The following ADGRB2 variants were observed in gnomAD, a reference collection of about 807,000 sequenced individuals.
ADGRB2 encodes adhesion G protein-coupled receptor B2, also known as brain-specific angiogenesis inhibitor 2.
A neutral mutation model predicts 178.7 loss-of-function variants in ADGRB2; 47 were observed. The ratio of observed to expected loss-of-function variants is 0.26; its 90% confidence interval spans 0.21 to 0.34. The LOEUF (loss-of-function observed/expected upper bound fraction) is 0.34, where lower values mean the gene tolerates loss of function less well. ADGRB2 is among the 10% of genes least tolerant of loss of function. ADGRB2 has a pLI of 1.00. For synonymous variants in ADGRB2, 870 were observed against 912.4 expected, an observed-to-expected ratio of 0.95 and a Z score of 0.84; for missense variants, 1,584 against 2,180.8, an observed-to-expected ratio of 0.73 and a Z score of 5.45.
chr1:31,734,914 A>G (rs1645490615), intron 25 of ADGRB2, among the ~76,000 whole-genome samples: 1 of 152,078 alleles, frequency 6.6e-6, no homozygotes. Flanking sequence ...GGGGCGGTGC[A>G]GGATAGAACA....
At position 31,733,650 on chromosome 1, in the gene ADGRB2, C is replaced by T. The variant is rs1427677442; in HGVS notation, c.3453-507G>A. Among the ~76,000 whole-genome samples, 1 of 152,118 alleles carries T rather than the reference C, an allele frequency of 6.6e-6. No homozygotes were observed. The highest frequency in any genetic ancestry group is 1.5e-5 in the Non-Finnish European group (1 of 68,028). ...GAGCACGCGGGGGACATCCAGAGCA[C>T]GAATCCTCAGGGAGAAGACAGGGGG... On this transcript the variant is annotated intron_variant, in intron 25 of 32. Coordinates refer to ENST00000373658, the MANE Select transcript of ADGRB2 (RefSeq NM_001364857.2). This position sits in a 1 kb window ranked among gnomAD's most constrained non-coding sequence, Gnocchi z 4.3.
chr1:31,750,671 G>A (rs1437951383), intron 4 of ADGRB2, among the ~76,000 whole-genome samples: 1 of 152,136 alleles, frequency 6.6e-6, no homozygotes, highest in Non-Finnish European at 1.5e-5. Context: ...CCCTGAGCAG[G>A]AGCCGACTGA....
At position 31,733,703 on chromosome 1, in the gene ADGRB2, C is replaced by T. The variant is rs552086375; in HGVS notation, c.3453-560G>A. Among the ~76,000 whole-genome samples, 1 of 152,124 alleles carries T rather than the reference C, an allele frequency of 6.6e-6. No homozygotes were observed. The highest frequency in any genetic ancestry group is 2.4e-5 in the African/African-American group (1 of 41,424). On this transcript the variant is annotated intron_variant, in intron 25 of 32. Transcript: ENST00000373658. The surrounding 1 kb of genome is among the most constrained non-coding windows in gnomAD (Gnocchi z 4.3). ...AGGACCAGTGAAGCAGAACTCCCCC[C>T]ACACACAGAGAAGACGCCAGGCTCC...
Position 31,741,812 on chromosome 1 carries a change from T to C in ADGRB2, c.1573A>G (p.Lys525Glu). 6.3e-7 allele frequency: 1 copy of C among 1,593,186 alleles called. No individual in the cohort carries two copies. The highest frequency in any genetic ancestry group is 8.6e-7 in the Non-Finnish European group (1 of 1,165,848). ...TGEEVKPCSEKRCPAFHEMCR... is the reference protein window; with the variant it reads ...TGEEVKPCSEERCPAFHEMCR... ...ATTAGGGCAGTACCTGGACACCTCT[T>C]CTCACTACAAGGCTTCACCTCCTCT... Residue 525 changes from lysine (K) to glutamate (E), a missense_variant, in exon 9 of 33, where the codon AAG becomes GAG. By Grantham distance (56) the Lys-to-Glu change is moderately conservative. Transcript: ENST00000373658. The surrounding 1 kb of genome is among the most constrained non-coding windows in gnomAD (Gnocchi z 6.5).
chr1:31,731,508 C>T, intron 28 of ADGRB2, 89 bp from the exon 29 acceptor site: 1 of 1,470,276 alleles, frequency 6.8e-7, no homozygotes. Flanking sequence ...TACCAAGCTT[C>T]TGCGCTTGGA....
In ADGRB2 at chr1:31,757,455, T is replaced by C; in HGVS notation, c.-134A>G. The C allele has an allele frequency of 1.7e-6, 1 of 586,534 alleles. No individual in the cohort carries two copies. Among genetic ancestry groups the C allele is most frequent in the Non-Finnish European group, 3.1e-6 (1 of 326,972 alleles). 36.3% of individuals were successfully genotyped at this position (586,534 alleles called of 1,614,324 possible). ...CAGGAACTGCGCACAACCTGAGCCA[T>C]GCCCACAGGAGGGCACTGTCAGTGT... is the stretch of plus-strand genomic sequence containing the variant. On this transcript the variant is annotated 5_prime_UTR_variant, in exon 2 of 33. An upstream start codon of the reference 5' UTR is lost. Transcript: ENST00000373658.
rs781388969 is a variant in ADGRB2, at chr1:31,731,261, C to T, written c.3919G>A (p.Ala1307Thr). The T allele has an allele frequency of 1.2e-6, 2 of 1,609,784 alleles. No homozygotes were observed. Among genetic ancestry groups the T allele is most frequent in the Non-Finnish European group, 1.7e-6 (2 of 1,178,680 alleles). The change falls in exon 29 of 33, where the codon GCA becomes ACA. Residue 1307 changes from alanine (A) to threonine (T), a missense_variant. By Grantham distance (58) the Ala-to-Thr change is moderately conservative. This residue lies in a region of ADGRB2 where 865 missense variants were observed against 1,192.8 expected (regional missense o/e 0.73). Coordinates refer to ENST00000373658, the MANE Select transcript of ADGRB2 (RefSeq NM_001364857.2). ...PLPGNILVPM[A>T]ASPGLGEPPP... ...GGCTCCCCCAGCCCTGGTGAGGCTG[C>T]CATGGGCACCAGGATATTCCCAGGC... is the stretch of plus-strand genomic sequence containing the variant.
chr1:31,727,138 C>T lies in ADGRB2; in HGVS notation c.*282G>A. ...AAAATCCACAGAGTGAAGTTTATTC[C>T]CAACAAAGTTCCCCTCCCCCCTCCC... is the stretch of plus-strand genomic sequence containing the variant. On this transcript the variant is annotated 3_prime_UTR_variant, in exon 33 of 33. Transcript: ENST00000373658. The surrounding 1 kb of genome is among the most constrained non-coding windows in gnomAD (Gnocchi z 4.4). 1 of 387,598 alleles carries T rather than the reference C, an allele frequency of 2.6e-6. No individual in the cohort carries two copies. Among genetic ancestry groups the T allele is most frequent in the Non-Finnish European group, 4.6e-6 (1 of 217,934 alleles). 24.0% of individuals were successfully genotyped at this position (387,598 alleles called of 1,614,324 possible). A position where few individuals can be genotyped will look rare whatever the true frequency, so the allele number is the denominator to read the frequency against.
chr1:31,732,869 C>T, intron 26 of ADGRB2, 103 bp downstream of exon 26: 2 of 1,423,040 alleles, frequency 1.4e-6, no homozygotes, highest in Non-Finnish European at 1.9e-6. Context: ...GGGCCTGGGG[C>T]ACCCTGGTCG....
chr1:31,748,089 C>T (rs1418275819), intron 4 of ADGRB2, among the ~76,000 whole-genome samples: 1 of 152,200 alleles, frequency 6.6e-6, no homozygotes, highest in Non-Finnish European at 1.5e-5. Flanking sequence ...ACCTGCTTGT[C>T]GGGGTCTCAC....
In ADGRB2 at chr1:31,740,086, G is replaced by A; in HGVS notation, c.2058+24C>T. On this transcript the variant is annotated intron_variant, in intron 13 of 32. Coordinates refer to ENST00000373658, the MANE Select transcript of ADGRB2 (RefSeq NM_001364857.2). This position sits in a 1 kb window ranked among gnomAD's most constrained non-coding sequence, Gnocchi z 5.9. Reference sequence around the variant, plus strand: ...CAAGGCAGGGTGGGTCACGGGAGGAGAAGCTGGCAGCTGTGCCCCGCACCT... The same window carrying A: ...CAAGGCAGGGTGGGTCACGGGAGGAAAAGCTGGCAGCTGTGCCCCGCACCT... 6.2e-7 allele frequency: 1 copy of A among 1,614,156 alleles called. No homozygotes were observed. Among genetic ancestry groups the A allele is most frequent in the Non-Finnish European group, 8.5e-7 (1 of 1,180,010 alleles).
At position 31,727,391 on chromosome 1, in the gene ADGRB2, T is replaced by C. The variant is rs1645040174; in HGVS notation, c.*29A>G. Reference sequence around the variant, plus strand: ...GTGAAAATAGAGAGATATATATATTTATATGCAGTGGGCAGTCCAGCGTGG... The same window carrying C: ...GTGAAAATAGAGAGATATATATATTCATATGCAGTGGGCAGTCCAGCGTGG... On this transcript the variant is annotated 3_prime_UTR_variant, in exon 33 of 33. Coordinates refer to ENST00000373658, the MANE Select transcript of ADGRB2 (RefSeq NM_001364857.2). The surrounding 1 kb of genome is among the most constrained non-coding windows in gnomAD (Gnocchi z 4.4). 4.5e-6 allele frequency: 7 copies of C among 1,566,176 alleles called. No individual in the cohort carries two copies. The highest frequency in any genetic ancestry group is 6.0e-6 in the Non-Finnish European group (7 of 1,164,320).
chr1:31,759,386 G>T lies in ADGRB2; in HGVS notation c.-190-1875C>A, dbSNP rs375083925. ...AGTGTCAGGCAGGATCCTCTGCGGG[G>T]TCTTCCTTTGCATGTCTGAAGCTGG... On this transcript the variant is annotated intron_variant, in intron 1 of 32. Coordinates refer to ENST00000373658, the MANE Select transcript of ADGRB2 (RefSeq NM_001364857.2). The surrounding 1 kb of genome is among the most constrained non-coding windows in gnomAD (Gnocchi z 4.3). 113 of 779,492 alleles carry T rather than the reference G, an allele frequency of 1.4e-4. No homozygotes were observed. The highest frequency in any genetic ancestry group is 2.2e-4 in the African/African-American group (13 of 59,114). The allele number at this position is 779,492 out of a possible 1,614,324, so 48.3% of individuals were successfully genotyped here.
Position 31,728,803 on chromosome 1 carries a change from AACACACACACACACACACACACAC to A in ADGRB2, c.4381-194_4381-171del, listed in dbSNP as rs71006321. ...TGGGGCAGCTTTTCAGGCCTCACTG[AACACACACACACACACACACACAC>A]ACACACACACACACACACACGTCAA... On this transcript the variant is annotated intron_variant, in intron 29 of 32. Coordinates refer to ENST00000373658, the MANE Select transcript of ADGRB2 (RefSeq NM_001364857.2). The surrounding 1 kb of genome is among the most constrained non-coding windows in gnomAD (Gnocchi z 6.7). Among the ~76,000 whole-genome samples the A allele has an allele frequency of 8.7e-6, 1 of 115,530 alleles. No individual in the cohort carries two copies. The allele number at this position is 115,530 out of a possible 152,430, so 75.8% of individuals were successfully genotyped here.
At chr1:31,749,275 C>T (rs1180409003) in intron 4 of ADGRB2, among the ~76,000 whole-genome samples, 1 of 152,222 alleles carries the variant, frequency 6.6e-6, no homozygotes, top group Non-Finnish European at 1.5e-5. Flanking sequence ...AAGTCTTCAG[C>T]GGCTCCTCCA....
Position 31,754,112 on chromosome 1 carries a change from C to T in ADGRB2, c.838+1887G>A, listed in dbSNP as rs192947589. Reference sequence around the variant, plus strand: ...GCCCAGGAATAATCAGGCATCCAGTCTCCACCCATCTCTAGCCCCAGAGGC... The same window carrying T: ...GCCCAGGAATAATCAGGCATCCAGTTTCCACCCATCTCTAGCCCCAGAGGC... On this transcript the variant is annotated intron_variant, in intron 4 of 32. Coordinates refer to ENST00000373658, the MANE Select transcript of ADGRB2 (RefSeq NM_001364857.2). The surrounding 1 kb of genome is among the most constrained non-coding windows in gnomAD (Gnocchi z 5.7). Among the ~76,000 whole-genome samples the T allele has an allele frequency of 6.6e-6, 1 of 152,368 alleles. No individual in the cohort carries two copies. Among genetic ancestry groups the T allele is most frequent in the East Asian group, 1.9e-4 (1 of 5,182 alleles).
intron 29 of ADGRB2, among the ~76,000 whole-genome samples, chr1:31,729,889 A>C (rs938653642): frequency 2.0e-5 from 3 of 152,258 alleles, no homozygotes; most frequent in African/African-American, 4.8e-5. Flanking sequence ...CTGTGGCAGA[A>C]GCAGGCACCA....
At chr1:31,752,649 AG>A (rs1399757932) in intron 4 of ADGRB2, among the ~76,000 whole-genome samples, 4 of 152,168 alleles carry the variant, frequency 2.6e-5, no homozygotes, top group African/African-American at 4.8e-5. Flanking sequence ...CTCAGTTGAA[AG>A]GGTGGGGGAG....
chr1:31,742,317 A>C (rs1173514382), intron 7 of ADGRB2, 100 bp from the exon 8 acceptor site: 2 of 1,479,120 alleles, frequency 1.4e-6, no homozygotes, highest in Admixed American at 4.5e-5. Flanking sequence ...CTAGGCATTC[A>C]GATTTGAGCC....
Sources: allele counts gnomAD v4.1 joint callset (sites outside exome capture counted in the v4.1 genomes callset), GRCh38; gene constraint gnomAD v4.1.1; regional missense constraint gnomAD v4.1.1; non-coding constraint Gnocchi (gnomAD v3.1); transcripts MANE v1.5; gene names NCBI Gene and HGNC (gene_info 2026-07-23, HGNC 2026-07-21).